SUPT3H: variants seen among roughly 807,000 people sequenced by gnomAD.
SUPT3H encodes transcription initiation protein SPT3 homolog.
SUPT3H carries 44 observed loss-of-function variants against 44.3 expected under a neutral mutation model. The ratio of observed to expected loss-of-function variants is 0.99; its 90% CI spans 0.78 to 1.28. The LOEUF (loss-of-function observed/expected upper bound fraction) is 1.28, where lower values mean the gene tolerates loss of function less well. Among genes scored for constraint, SUPT3H ranks in the 50% most tolerant of loss-of-function variants. The pLI is 0.00. For missense variants in SUPT3H, 380 were observed against 387.1 expected, an observed-to-expected ratio of 0.98 and a Z score of 0.15; for synonymous variants, 124 against 125.6, an observed-to-expected ratio of 0.99 and a Z score of 0.09.
chr6:44,959,835 C>T (rs576900189), intron 7 of SUPT3H, among the ~76,000 whole-genome samples: 2 of 152,174 alleles, frequency 1.3e-5, no homozygotes, highest in Admixed American at 1.3e-4. Flanking sequence ...ACCACAATTC[C>T]TGTATCTTGG....
chr6:44,948,327 T>C (rs1773686790), intron 9 of SUPT3H, among the ~76,000 whole-genome samples: 1 of 152,194 alleles, frequency 6.6e-6, no homozygotes, highest in Non-Finnish European at 1.5e-5. Context: ...GACATAGGCA[T>C]GGGCAAGGAC....
At chr6:44,901,244 G>T (rs9395055) in intron 10 of SUPT3H, among the ~76,000 whole-genome samples, 63,381 of 151,810 alleles carry the variant, frequency 0.42, 13,606 homozygotes, top group East Asian at 0.7. Context: ...GAGGAAGTTC[G>T]AACCCATGGC....
At chr6:45,150,616 C>G (rs1263250396) in intron 2 of SUPT3H, among the ~76,000 whole-genome samples, 1 of 151,914 alleles carries the variant, frequency 6.6e-6, no homozygotes, top group Non-Finnish European at 1.5e-5. Flanking sequence ...AGCATTTTCT[C>G]CATTTCTTTG....
intron 2 of SUPT3H, among the ~76,000 whole-genome samples, chr6:45,305,943 G>A (rs1239628126): frequency 1.3e-5 from 2 of 152,162 alleles, no homozygotes; most frequent in African/African-American, 4.8e-5. Flanking sequence ...CTATCACACA[G>A]AGCTAGGCCC....
chr6:45,147,784 G>C (rs1332549465), intron 2 of SUPT3H, among the ~76,000 whole-genome samples: 3 of 151,966 alleles, frequency 2.0e-5, no homozygotes, highest in African/African-American at 7.3e-5. Context: ...CTTAGTGCTA[G>C]AAACAGGAAA....
intron 3 of SUPT3H, among the ~76,000 whole-genome samples, chr6:45,101,184 GGGAGGCCAA>G: frequency 6.6e-6 from 1 of 152,206 alleles, no homozygotes; most frequent in Non-Finnish European, 1.5e-5. Context: ...CCAGCACTTT[GGGAGGCCAA>G]GGCAGACAAA....
At chr6:45,015,814 C>CA (rs1220849941) in intron 4 of SUPT3H, among the ~76,000 whole-genome samples, 1 of 151,820 alleles carries the variant, frequency 6.6e-6, no homozygotes, top group African/African-American at 2.4e-5. Flanking sequence ...CACACACACA[C>CA]ACACGCCTAT....
chr6:44,935,694 G>A (rs1771290013), intron 9 of SUPT3H, among the ~76,000 whole-genome samples: 1 of 152,144 alleles, frequency 6.6e-6, no homozygotes, highest in Non-Finnish European at 1.5e-5. Context: ...AACTGATGCT[G>A]GGTATTAGAA....
At chr6:45,055,534 T>C (rs947713252) in intron 3 of SUPT3H, among the ~76,000 whole-genome samples, 1 of 152,164 alleles carries the variant, frequency 6.6e-6, no homozygotes, top group Non-Finnish European at 1.5e-5. Context: ...TACAGCCAAC[T>C]GATCTTCGAC....
chr6:44,842,273 GTTC>G (rs1771067689), intron 10 of SUPT3H, among the ~76,000 whole-genome samples: 1 of 152,096 alleles, frequency 6.6e-6, no homozygotes, highest in Admixed American at 6.6e-5. Flanking sequence ...AACAGTCATG[GTTC>G]TTATTACACA....
chr6:45,363,501 T>C (rs1383901562), intron 2 of SUPT3H, among the ~76,000 whole-genome samples: 4 of 152,134 alleles, frequency 2.6e-5, no homozygotes, highest in African/African-American at 7.2e-5. Flanking sequence ...GTTTGAAAAT[T>C]CCCAAATTAA....
chr6:45,143,951 C>T (rs750140872), intron 2 of SUPT3H, among the ~76,000 whole-genome samples: 89 of 151,890 alleles, frequency 5.9e-4, no homozygotes, highest in Non-Finnish European at 1.2e-3. Context: ...TCTAGAGAGA[C>T]GGAAAAATTT....
chr6:45,330,920 T>A (rs1179812792), intron 2 of SUPT3H, among the ~76,000 whole-genome samples: 1 of 151,998 alleles, frequency 6.6e-6, no homozygotes, highest in East Asian at 1.9e-4. Flanking sequence ...TTCTATAATC[T>A]ATGCAAAGCC....
intron 2 of SUPT3H, among the ~76,000 whole-genome samples, chr6:45,289,836 A>G (rs1214669681): frequency 6.6e-6 from 1 of 152,194 alleles, no homozygotes; most frequent in Non-Finnish European, 1.5e-5. Context: ...TGGTAACACT[A>G]GTACAGAGGA....
chr6:45,296,732 C>T (rs1404412263), intron 2 of SUPT3H, among the ~76,000 whole-genome samples: 1 of 49,158 alleles, frequency 2.0e-5, no homozygotes, highest in African/African-American at 6.4e-5. Flanking sequence ...GAGTAAGACT[C>T]TGTCTCAAAA....
intron 4 of SUPT3H, among the ~76,000 whole-genome samples, chr6:45,016,925 T>A (rs1378488055): frequency 1.3e-5 from 2 of 151,310 alleles, no homozygotes; most frequent in Non-Finnish European, 3.0e-5. Context: ...CCACACTGAC[T>A]TCCACAATGG....
intron 6 of SUPT3H, among the ~76,000 whole-genome samples, chr6:45,002,899 T>C (rs1379291559): frequency 6.6e-6 from 1 of 152,100 alleles, no homozygotes; most frequent in Admixed American, 6.6e-5. Context: ...ATTCTGAAAT[T>C]ACCTCCATTG....
At chr6:44,830,175 A>C (rs1294419069) in intron 10 of SUPT3H, among the ~76,000 whole-genome samples, 2 of 152,202 alleles carry the variant, frequency 1.3e-5, no homozygotes, top group South Asian at 2.1e-4. Flanking sequence ...TTTTATAAAC[A>C]TGTGTTCTCT....
At chr6:45,173,820 T>A (rs867134631) in intron 2 of SUPT3H, among the ~76,000 whole-genome samples, 1 of 152,242 alleles carries the variant, frequency 6.6e-6, no homozygotes, top group Non-Finnish European at 1.5e-5. Flanking sequence ...TTAACTGTCC[T>A]CTTCTGGGGG....
Sources: gnomAD v4.1 joint callset for allele counts (sites outside exome capture counted in the v4.1 genomes callset) on GRCh38, gnomAD v4.1.1 for gene constraint, MANE v1.5 for transcripts, NCBI Gene and HGNC (gene_info 2026-07-23, HGNC 2026-07-21) for gene names.